KLHL36: variants seen among roughly 807,000 people sequenced by gnomAD.
The protein encoded by KLHL36 is kelch like family member 36.
A neutral mutation model predicts 53.3 loss-of-function variants in KLHL36; 35 were observed. The ratio of observed to expected loss-of-function variants is 0.66; its 90% confidence interval spans 0.50 to 0.87. The LOEUF is 0.87. Among genes scored for constraint, KLHL36 ranks in the 40% least tolerant of loss-of-function variants. The probability of loss-of-function intolerance (pLI) is 0.00; values close to 1 mark genes in which losing one functional copy is unlikely to be tolerated. For missense variants in KLHL36, 864 were observed against 897.6 expected (o/e 0.96, Z 0.48); for synonymous variants, 472 against 398.9 (o/e 1.18, Z -2.18).
chr16:84,654,856 C>T (rs1907108796), intron 2 of KLHL36, among the ~76,000 whole-genome samples: 1 of 152,158 alleles, frequency 6.6e-6, no homozygotes, highest in African/African-American at 2.4e-5. Context: ...GTGACCTGCC[C>T]ACCTCGGCCT....
rs1181940179 is a variant in KLHL36, at chr16:84,657,164, C to T, written c.357C>T (p.Val119=). The T allele has an allele frequency of 1.9e-6, 3 of 1,614,154 alleles. No individual in the cohort carries two copies. The South Asian group carries it at 3.3e-5, about 18-fold the overall frequency. Residue 119 remains valine (V), a synonymous_variant, in exon 3 of 5, where the codon GTC becomes GTT. Coordinates refer to ENST00000564996, the MANE Select transcript of KLHL36 (RefSeq NM_024731.4). ...LVLDGGNIDY[V]LETAHLLQIW... is the part of the protein sequence containing the mutation. ...TGGATGGCGGCAACATTGACTACGT[C>T]CTGGAGACGGCTCACCTGCTGCAGA...
rs1366918553 is a variant in KLHL36, at chr16:84,653,204, G to A, written c.63+2274G>A. Among the ~76,000 whole-genome samples, 5 of 151,886 alleles carry A rather than the reference G, an allele frequency of 3.3e-5. No homozygotes were observed. The East Asian group carries it at 7.8e-4, about 24-fold the overall frequency. On this transcript the variant is annotated intron_variant, in intron 2 of 4. Coordinates refer to ENST00000564996, the MANE Select transcript of KLHL36 (RefSeq NM_024731.4). Reference sequence around the variant, plus strand: ...TGTACTCCAACCTAAGTGACAGAGCGAGACCCTGTCTCAAAAAAAAAAAGT... The same window carrying A: ...TGTACTCCAACCTAAGTGACAGAGCAAGACCCTGTCTCAAAAAAAAAAAGT...
rs372073383 is a variant in KLHL36, at chr16:84,661,785, C to T, written c.1503C>T (p.Ser501=). The T allele has an allele frequency of 3.3e-5, 53 of 1,612,276 alleles. No individual in the cohort carries two copies. Among genetic ancestry groups the T allele is most frequent in the Non-Finnish European group, 4.0e-5 (47 of 1,178,988 alleles). ...ACAGCATCTACTCCATCGGGGGCAG[C>T]GATGACAACATCGAGTCCATGGAGC... ...LGDSIYSIGG[S]DDNIESMERF... is the part of the protein sequence containing the mutation. The change falls in exon 5 of 5, where the codon AGC becomes AGT. Residue 501 remains serine, a synonymous_variant. Coordinates refer to ENST00000564996, the MANE Select transcript of KLHL36 (RefSeq NM_024731.4). The surrounding 1 kb of genome is among the most constrained non-coding windows in gnomAD (Gnocchi z 7.9).
At chr16:84,649,659 C>A (rs1316976565) in intron 1 of KLHL36, among the ~76,000 whole-genome samples, 5 of 152,210 alleles carry the variant, frequency 3.3e-5, no homozygotes, top group Non-Finnish European at 5.9e-5. Flanking sequence ...ATCCAGTTGC[C>A]CCTTCTCTCC....
intron 2 of KLHL36, among the ~76,000 whole-genome samples, chr16:84,654,313 C>T (rs1907076840): frequency 6.6e-6 from 1 of 152,194 alleles, no homozygotes; most frequent in Admixed American, 6.5e-5. Flanking sequence ...CAAGAGGGGC[C>T]TCCAGTCAAT....
rs1009837608 is a variant in KLHL36 at position 84,666,779 on chromosome 16, T to G, written c.*4646T>G. On this transcript the variant is annotated 3_prime_UTR_variant, in exon 5 of 5. Coordinates refer to ENST00000564996, the MANE Select transcript of KLHL36 (RefSeq NM_024731.4). ...GGTGTGTGGGGGTCTCAAGAAATTGTCCTTTGGGGCCGGGCGCAGTGGCTC... is the reference window on the plus strand; with the variant it reads ...GGTGTGTGGGGGTCTCAAGAAATTGGCCTTTGGGGCCGGGCGCAGTGGCTC... The G allele has an allele frequency of 3.4e-4, 52 of 152,188 alleles. No individual in the cohort carries two copies. The highest frequency in any genetic ancestry group is 1.3e-3 in the African/African-American group (52 of 41,532). 9.4% of individuals were successfully genotyped at this position (152,188 alleles called of 1,614,324 possible). A position where few individuals can be genotyped will look rare whatever the true frequency, so the allele number is the denominator to read the frequency against.
intron 2 of KLHL36, among the ~76,000 whole-genome samples, chr16:84,655,696 C>G (rs1282332056): frequency 7.0e-6 from 1 of 142,658 alleles, no homozygotes; most frequent in East Asian, 2.0e-4. Flanking sequence ...AGAGTGAGAC[C>G]CTGTCTCAAA....
rs1411235440 is a variant in KLHL36 at position 84,665,580 on chromosome 16, C to G, written c.*3447C>G. ...GAGGCTATCAAGTGGGACTTCAGACCTGGCTCTGAGCAGGACCACACGTGT... is the reference window on the plus strand; with the variant it reads ...GAGGCTATCAAGTGGGACTTCAGACGTGGCTCTGAGCAGGACCACACGTGT... On this transcript the variant is annotated 3_prime_UTR_variant, in exon 5 of 5. Transcript: ENST00000564996. 1 of 152,162 alleles carries G rather than the reference C, an allele frequency of 6.6e-6. No individual in the cohort carries two copies. The highest frequency in any genetic ancestry group is 1.9e-4 in the East Asian group (1 of 5,196). The allele number at this position is 152,162 out of a possible 1,614,324, so 9.4% of individuals were successfully genotyped here. A position where few individuals can be genotyped will look rare whatever the true frequency, so the allele number is the denominator to read the frequency against.
At chr16:84,652,127 T>A (rs1230374147) in intron 2 of KLHL36, among the ~76,000 whole-genome samples, 1 of 152,204 alleles carries the variant, frequency 6.6e-6, no homozygotes, top group Non-Finnish European at 1.5e-5. Context: ...GGGCTTTGTT[T>A]GGGAGCTTAG....
intron 2 of KLHL36, 72 bp from the exon 3 acceptor site, chr16:84,656,799 G>T: frequency 9.2e-7 from 1 of 1,081,386 alleles, no homozygotes; most frequent in Non-Finnish European, 1.4e-6. Flanking sequence ...GAAAATGCTG[G>T]TCAGGACCCA....
rs1172976659 is a variant in KLHL36 at position 84,662,247 on chromosome 16, C to G, written c.*114C>G. 8.5e-6 allele frequency: 8 copies of G among 938,196 alleles called. No homozygotes were observed. The highest frequency in any genetic ancestry group is 1.2e-5 in the Non-Finnish European group (8 of 648,656). 58.1% of individuals were successfully genotyped at this position (938,196 alleles called of 1,614,324 possible). A position where few individuals can be genotyped will look rare whatever the true frequency, so the allele number is the denominator to read the frequency against. ...ATGTACAACTTAGCAGCTTTTTTTA[C>G]TTTTATGATTCTTGGTATTTCTATG... On this transcript the variant is annotated 3_prime_UTR_variant, in exon 5 of 5. Transcript: ENST00000564996.
Position 84,662,256 on chromosome 16 carries a change from T to C in KLHL36, c.*123T>C, listed in dbSNP as rs1291535627. ...TTAGCAGCTTTTTTTACTTTTATGA[T>C]TCTTGGTATTTCTATGATATCACAG... On this transcript the variant is annotated 3_prime_UTR_variant, in exon 5 of 5. Transcript: ENST00000564996. 8 of 857,188 alleles carry C rather than the reference T, an allele frequency of 9.3e-6. No individual in the cohort carries two copies. Among genetic ancestry groups the C allele is most frequent in the African/African-American group, 1.7e-5 (1 of 58,780 alleles). The allele number at this position is 857,188 out of a possible 1,614,324, so 53.1% of individuals were successfully genotyped here.
At position 84,657,765 on chromosome 16, in the gene KLHL36, G is replaced by A. The variant is rs201726115; in HGVS notation, c.958G>A (p.Ala320Thr). The change falls in exon 3 of 5, where the codon GCC (alanine) becomes ACC (threonine). Residue 320 changes from alanine (A) to threonine (T), a missense_variant. Physicochemically the swap from Ala to Thr is moderately conservative, Grantham distance 58. Coordinates refer to ENST00000564996, the MANE Select transcript of KLHL36 (RefSeq NM_024731.4). ...ELSDDTCYLD[A>T]KSEQWVKETP... Reference sequence around the variant, plus strand: ...CAGTGACGACACCTGCTACCTGGACGCCAAGAGCGAGCAGTGGGTCAAAGA... The same window carrying A: ...CAGTGACGACACCTGCTACCTGGACACCAAGAGCGAGCAGTGGGTCAAAGA... The A allele has an allele frequency of 3.0e-5, 49 of 1,611,286 alleles. No homozygotes were observed. The East Asian group carries it at 3.8e-4, about 12-fold the overall frequency.
rs1381784941 is a variant in KLHL36, at chr16:84,666,002, G to C, written c.*3869G>C. 3 of 152,232 alleles carry C rather than the reference G, an allele frequency of 2.0e-5. No individual in the cohort carries two copies. Among genetic ancestry groups the C allele is most frequent in the Admixed American group, 2.0e-4 (3 of 15,290 alleles). 9.4% of individuals were successfully genotyped at this position (152,232 alleles called of 1,614,324 possible). On this transcript the variant is annotated 3_prime_UTR_variant, in exon 5 of 5. Coordinates refer to ENST00000564996, the MANE Select transcript of KLHL36 (RefSeq NM_024731.4). ...TCCCAAACCTGGAGGGGCAGCTGCA[G>C]ATGAGGTTTAGACCTCCTGGTGTCT...
At position 84,667,118 on chromosome 16, in the gene KLHL36, G is replaced by A. The variant is rs1441373074; in HGVS notation, c.*4985G>A. 6.6e-6 allele frequency: 1 copy of A among 151,698 alleles called. No homozygotes were observed. The highest frequency in any genetic ancestry group is 6.6e-5 in the Admixed American group (1 of 15,234). 9.4% of individuals were successfully genotyped at this position (151,698 alleles called of 1,614,324 possible). ...TTTGGTTGCCTTAGTTACCAGAGTT[G>A]AATGAATGTACACATTTCGGTAGTG... is the stretch of plus-strand genomic sequence containing the variant. On this transcript the variant is annotated 3_prime_UTR_variant, in exon 5 of 5. Transcript: ENST00000564996.
At chr16:84,655,332 A>G (rs1443566502) in intron 2 of KLHL36, among the ~76,000 whole-genome samples, 2 of 152,252 alleles carry the variant, frequency 1.3e-5, no homozygotes, top group East Asian at 3.8e-4. Flanking sequence ...AGAAAAAAAT[A>G]AAACCCACTG....
chr16:84,653,781 A>T (rs1226632642), intron 2 of KLHL36, among the ~76,000 whole-genome samples: 1 of 146,474 alleles, frequency 6.8e-6, no homozygotes, highest in South Asian at 2.2e-4. Context: ...CGGAGGTTGC[A>T]GTGAGCCGAG....
At chr16:84,659,954 A>G (rs60628472) in intron 4 of KLHL36, 37 bp downstream of exon 4, 25,491 of 1,588,278 alleles carry the variant, frequency 0.016, 239 homozygotes, top group Middle Eastern at 0.033. Flanking sequence ...TCCAAATGGG[A>G]TGTTTTTAAG....
rs183247259 is a variant in KLHL36, at chr16:84,665,502, T to A, written c.*3369T>A. 2.6e-5 allele frequency: 4 copies of A among 152,336 alleles called. No homozygotes were observed. The East Asian group carries it at 7.7e-4, about 29-fold the overall frequency. The allele number at this position is 152,336 out of a possible 1,614,324, so 9.4% of individuals were successfully genotyped here. On this transcript the variant is annotated 3_prime_UTR_variant, in exon 5 of 5. Coordinates refer to ENST00000564996, the MANE Select transcript of KLHL36 (RefSeq NM_024731.4). ...TGTTTTAAATGCACAGAGATTATTT[T>A]ATCAACTGTGGTTAGCACGCAATTG...
Sources: gnomAD v4.1 joint callset for allele counts (sites outside exome capture counted in the v4.1 genomes callset) on GRCh38, gnomAD v4.1.1 for gene constraint, Gnocchi (gnomAD v3.1) non-coding constraint, MANE v1.5 for transcripts, NCBI Gene and HGNC (gene_info 2026-07-23, HGNC 2026-07-21) for gene names.